The following NTN1 variants were observed in gnomAD, a reference collection of about 807,000 sequenced individuals.
NTN1 encodes netrin-1.
A neutral mutation model predicts 54.2 loss-of-function variants in NTN1; 11 were observed. That is an observed-to-expected ratio of 0.20 (90% CI 0.13 to 0.34). The LOEUF (loss-of-function observed/expected upper bound fraction) is 0.34, where lower values mean the gene tolerates loss of function less well. Among genes scored for constraint, NTN1 ranks in the 10% least tolerant of loss-of-function variants. The pLI is 1.00. For missense variants in NTN1, 740 were observed against 893.1 expected (o/e 0.83, Z 2.18); for synonymous variants, 371 against 382.0 (o/e 0.97, Z 0.33).
rs117774105 is a variant in NTN1, at chr17:9,067,374, G to A, written c.1018+43983G>A. 0.014 allele frequency among the ~76,000 whole-genome samples: 2,187 copies of A among 152,246 alleles called. 130 individuals carry two copies. The East Asian group carries it at 0.16, about 11-fold the overall frequency. Reference sequence around the variant, plus strand: ...GAAGTTGAGTATGAAGCAGGGGTATGTGTTCTGGGTGAGCCATAGAAGATA... The same window carrying A: ...GAAGTTGAGTATGAAGCAGGGGTATATGTTCTGGGTGAGCCATAGAAGATA... On this transcript the variant is annotated intron_variant, in intron 2 of 6. Coordinates refer to ENST00000173229, the MANE Select transcript of NTN1 (RefSeq NM_004822.3).
At chr17:9,133,209 C>T (rs866790623) in intron 2 of NTN1, among the ~76,000 whole-genome samples, 8 of 152,174 alleles carry the variant, frequency 5.3e-5, no homozygotes, top group Admixed American at 2.6e-4. Context: ...GGGAGTCTGA[C>T]GGATGCCACC....
chr17:9,059,775 G>A (rs2091990250), intron 2 of NTN1, among the ~76,000 whole-genome samples: 1 of 150,778 alleles, frequency 6.6e-6, no homozygotes, highest in Admixed American at 6.6e-5. Flanking sequence ...AATGCCACCG[G>A]ATTGTCTATT....
rs2091852321 is a variant in NTN1, at chr17:9,022,301, C to T, written c.-63-10C>T. ...CGGGCTGGCTGAGCGCAGCTCCCTT[C>T]TCTCCGCAGGCGCCTTCTGCGGCAG... On this transcript the variant is annotated splice_polypyrimidine_tract_variant and intron_variant, in intron 1 of 6. Coordinates refer to ENST00000173229, the MANE Select transcript of NTN1 (RefSeq NM_004822.3). The T allele has an allele frequency of 1.6e-6, 2 of 1,252,266 alleles. No individual in the cohort carries two copies. The highest frequency in any genetic ancestry group is 1.6e-5 in the African/African-American group (1 of 63,962). The allele number at this position is 1,252,266 out of a possible 1,614,324, so 77.6% of individuals were successfully genotyped here.
At chr17:9,032,054 T>C (rs1368614095) in intron 2 of NTN1, among the ~76,000 whole-genome samples, 1 of 152,022 alleles carries the variant, frequency 6.6e-6, no homozygotes, top group East Asian at 1.9e-4. Context: ...AAGGAGGCTG[T>C]GCACGTGAGA....
rs1036780778 is a variant in NTN1, at chr17:9,219,196, G to A, written c.1412-1972G>A. 2.6e-5 allele frequency among the ~76,000 whole-genome samples: 4 copies of A among 152,152 alleles called. No individual in the cohort carries two copies. Among genetic ancestry groups the A allele is most frequent in the East Asian group, 1.9e-4 (1 of 5,192 alleles). ...CCGCGGTGCTGATGGTGCTGATGGC[G>A]CCGTTGACTTGAGTGTTTGGGCTGC... On this transcript the variant is annotated intron_variant, in intron 5 of 6. Coordinates refer to ENST00000173229, the MANE Select transcript of NTN1 (RefSeq NM_004822.3). This position sits in a 1 kb window ranked among gnomAD's most constrained non-coding sequence, Gnocchi z 4.5.
rs1215541631 is a variant in NTN1, at chr17:9,165,598, A to G, written c.1207+2597A>G. Among the ~76,000 whole-genome samples the G allele has an allele frequency of 6.6e-6, 1 of 152,188 alleles. No individual in the cohort carries two copies. Among genetic ancestry groups the G allele is most frequent in the African/African-American group, 2.4e-5 (1 of 41,446 alleles). ...ACGGGAAAACCTAAGGATGGATTCT[A>G]CTCAGAAAGACACAGGCAAATTCTA... On this transcript the variant is annotated intron_variant, in intron 3 of 6. Coordinates refer to ENST00000173229, the MANE Select transcript of NTN1 (RefSeq NM_004822.3). This position sits in a 1 kb window ranked among gnomAD's most constrained non-coding sequence, Gnocchi z 4.5.
intron 5 of NTN1, among the ~76,000 whole-genome samples, chr17:9,197,674 G>T (rs11656733): frequency 7.3e-6 from 1 of 136,436 alleles, no homozygotes; most frequent in Non-Finnish European, 1.5e-5. Context: ...AAAAAAAAAA[G>T]AAGGAAGAAA....
intron 2 of NTN1, among the ~76,000 whole-genome samples, chr17:9,095,154 TG>T (rs1255654185): frequency 1.3e-5 from 2 of 152,234 alleles, no homozygotes; most frequent in African/African-American, 4.8e-5. Context: ...ATGAATATTT[TG>T]TTACTTATTT....
chr17:9,019,726 G>A (rs551441978), upstream of NTN1, among the ~76,000 whole-genome samples: 2 of 152,324 alleles, frequency 1.3e-5, no homozygotes, highest in East Asian at 1.9e-4. Flanking sequence ...CCCTGGCTCC[G>A]AAGCGTTTCC....
At chr17:9,038,563 G>C (rs931332576) in intron 2 of NTN1, among the ~76,000 whole-genome samples, 1 of 151,988 alleles carries the variant, frequency 6.6e-6, no homozygotes, top group South Asian at 2.1e-4. Context: ...CCTTATCTCC[G>C]GTCTGTGTGT....
At chr17:9,233,959 AGCCTGCCCTGG>A (rs1905896659) in intron 6 of NTN1, among the ~76,000 whole-genome samples, 2 of 152,188 alleles carry the variant, frequency 1.3e-5, no homozygotes, top group Admixed American at 6.5e-5. Context: ...CAAGGCACCC[AGCCTGCCCTGG>A]GCCTGCCTCC....
At chr17:9,217,739 C>T (rs1381114451) in intron 5 of NTN1, among the ~76,000 whole-genome samples, 1 of 149,018 alleles carries the variant, frequency 6.7e-6, no homozygotes, top group Non-Finnish European at 1.5e-5. Flanking sequence ...ATTTTACATA[C>T]AATTCTAGCA....
chr17:9,222,523 G>GC (rs1415612187), intron 6 of NTN1, among the ~76,000 whole-genome samples: 1 of 152,218 alleles, frequency 6.6e-6, no homozygotes, highest in African/African-American at 2.4e-5. Flanking sequence ...GGAGGACAGA[G>GC]CACGGGTGCC....
At position 9,211,089 on chromosome 17, in the gene NTN1, T is replaced by C. The variant is rs774810777; in HGVS notation, c.1412-10079T>C. Among the ~76,000 whole-genome samples the C allele has an allele frequency of 2.6e-5, 4 of 152,166 alleles. No individual in the cohort carries two copies. The highest frequency in any genetic ancestry group is 5.9e-5 in the Non-Finnish European group (4 of 68,038). On this transcript the variant is annotated intron_variant, in intron 5 of 6. Transcript: ENST00000173229. The surrounding 1 kb of genome is among the most constrained non-coding windows in gnomAD (Gnocchi z 4.4). ...CACCCAACATTTCTGGCACATGCTA[T>C]TCTTCTAGAATAAAATCCAAACCCC...
At chr17:9,102,645 C>T (rs1173806953) in intron 2 of NTN1, among the ~76,000 whole-genome samples, 1 of 151,070 alleles carries the variant, frequency 6.6e-6, no homozygotes, top group Non-Finnish European at 1.5e-5. Flanking sequence ...GTAATGTGTC[C>T]ATATATTTAC....
chr17:9,170,680 T>A (rs2092384954), intron 3 of NTN1, among the ~76,000 whole-genome samples: 1 of 152,134 alleles, frequency 6.6e-6, no homozygotes, highest in South Asian at 2.1e-4. Context: ...CAGATTTGGC[T>A]CTGGAAGTGC....
At chr17:9,111,015 A>T (rs1369573312) in intron 2 of NTN1, among the ~76,000 whole-genome samples, 1 of 145,238 alleles carries the variant, frequency 6.9e-6, no homozygotes. Context: ...GCTTACTGCA[A>T]CCTCCAACTC....
chr17:9,139,080 C>T (rs755243336), intron 2 of NTN1, among the ~76,000 whole-genome samples: 1 of 152,180 alleles, frequency 6.6e-6, no homozygotes, highest in Middle Eastern at 3.4e-3. Context: ...CTTCGGGGGA[C>T]AGGGACTAAG....
intron 2 of NTN1, among the ~76,000 whole-genome samples, chr17:9,116,266 C>T (rs777248468): frequency 1.8e-4 from 28 of 152,304 alleles, no homozygotes; most frequent in South Asian, 1.2e-3. Context: ...GCAGAGCCCC[C>T]GGGAGGGTCA....
Sources: gnomAD v4.1 joint callset for allele counts (sites outside exome capture counted in the v4.1 genomes callset) on GRCh38, gnomAD v4.1.1 for gene constraint, Gnocchi (gnomAD v3.1) non-coding constraint, MANE v1.5 for transcripts, NCBI Gene and HGNC (gene_info 2026-07-23, HGNC 2026-07-21) for gene names.